The following PSMD1 variants were observed in gnomAD, a reference collection of about 807,000 sequenced individuals.
PSMD1 encodes the protein proteasome 26S subunit, non-ATPase 1, also known as 26S proteasome non-ATPase regulatory subunit 1.
In PSMD1, 18 loss-of-function variants were observed where a neutral mutation model predicts 119.0. That is an observed-to-expected ratio of 0.15 (90% CI 0.10 to 0.22). PSMD1 has a LOEUF of 0.22. Among genes scored for constraint, PSMD1 ranks in the 10% least tolerant of loss-of-function variants. PSMD1 has a pLI of 1.00. For synonymous variants in PSMD1, 374 were observed against 396.6 expected (o/e 0.94, Z 0.68); for missense variants, 702 against 1,158.5 (o/e 0.61, Z 5.72).
chr2:231,135,381 C>G (rs1159837646), intron 16 of PSMD1, among the ~76,000 whole-genome samples: 4 of 152,128 alleles, frequency 2.6e-5, no homozygotes, highest in African/African-American at 4.8e-5. Context: ...AACAGACTTA[C>G]AGAACTTCTA....
At chr2:231,109,269 T>C (rs1559233887) in intron 16 of PSMD1, 2 of 1,614,160 alleles carry the variant, frequency 1.2e-6, no homozygotes, top group Non-Finnish European at 1.7e-6. Flanking sequence ...ACAATCATAA[T>C]TGCAAGAGGT....
At chr2:231,070,480 A>G (rs538615561) in intron 6 of PSMD1, among the ~76,000 whole-genome samples, 14 of 152,282 alleles carry the variant, frequency 9.2e-5, no homozygotes, top group African/African-American at 2.9e-4. Context: ...AAGCTAGAAG[A>G]TTAAAACAGT....
chr2:231,080,065 A>G, intron 11 of PSMD1, 76 bp from the exon 12 acceptor site: 2 of 1,319,086 alleles, frequency 1.5e-6, no homozygotes, highest in Non-Finnish European at 2.1e-6. Flanking sequence ...GGGAAAAGGC[A>G]GTAATCATAG....
chr2:231,142,137 C>T (rs1019256915), intron 17 of PSMD1, among the ~76,000 whole-genome samples: 6 of 152,226 alleles, frequency 3.9e-5, no homozygotes, highest in Non-Finnish European at 2.9e-5. Flanking sequence ...CCCGCCTCAG[C>T]TTCCCAAAGT....
intron 16 of PSMD1, chr2:231,123,370 A>G: frequency 1.5e-6 from 2 of 1,343,522 alleles, no homozygotes; most frequent in Non-Finnish European, 2.1e-6. Context: ...ATAGTATATC[A>G]TAGTTCTGTG....
chr2:231,065,418 G>A (rs368739700), intron 4 of PSMD1, among the ~76,000 whole-genome samples: 2 of 150,618 alleles, frequency 1.3e-5, no homozygotes, highest in Non-Finnish European at 3.0e-5. Context: ...TCAGCCTCCC[G>A]AGTAGCTGGG....
intron 8 of PSMD1, 146 bp downstream of exon 8, chr2:231,075,717 G>A: frequency 1.5e-6 from 1 of 658,586 alleles, no homozygotes; most frequent in Non-Finnish European, 2.5e-6. Context: ...GTAAATGGCT[G>A]GGATTGCAGG....
At chr2:231,111,286 G>C (rs985798054) in intron 16 of PSMD1, among the ~76,000 whole-genome samples, 1 of 152,122 alleles carries the variant, frequency 6.6e-6, no homozygotes, top group African/African-American at 2.4e-5. Context: ...TCCTTGTCCT[G>C]CTACCCCTCA....
intron 16 of PSMD1, chr2:231,109,339 C>G: frequency 6.2e-7 from 1 of 1,614,006 alleles, no homozygotes. Flanking sequence ...CCTTTGTCAG[C>G]ACACAAGTGA....
At chr2:231,147,442 A>G (rs1696278721) in intron 18 of PSMD1, among the ~76,000 whole-genome samples, 1 of 152,208 alleles carries the variant, frequency 6.6e-6, no homozygotes, top group Admixed American at 6.5e-5. Context: ...GGCTGCAGTG[A>G]GCTGTGGTTG....
chr2:231,104,451 T>G (rs1021933245), intron 16 of PSMD1, among the ~76,000 whole-genome samples: 2 of 152,096 alleles, frequency 1.3e-5, no homozygotes, highest in Non-Finnish European at 2.9e-5. Context: ...CTTTAAGAAG[T>G]GGGAACTGGA....
intron 4 of PSMD1, among the ~76,000 whole-genome samples, chr2:231,063,488 A>G (rs2125152578): frequency 6.6e-6 from 1 of 152,328 alleles, no homozygotes; most frequent in East Asian, 1.9e-4. Flanking sequence ...GCTGATTAGT[A>G]GAAGGTCTGT....
In PSMD1 at chr2:231,056,873, GC is replaced by G. The variant is rs1693603020; in HGVS notation, c.-152del. The G allele has an allele frequency of 9.2e-7, 1 of 1,091,160 alleles. No homozygotes were observed. The highest frequency in any genetic ancestry group is 1.3e-6 in the Non-Finnish European group (1 of 757,424). The allele number at this position is 1,091,160 out of a possible 1,614,324, so 67.6% of individuals were successfully genotyped here. On this transcript the variant is annotated 5_prime_UTR_variant, in exon 1 of 25. Transcript: ENST00000308696. ...CAGCCCCTGGGCGGGCGGGGTCCTG[GC>G]GAGAAGCGAGCCGGCGGCCTGAGGA...
Position 231,061,937 on chromosome 2 carries a change from A to G in PSMD1, c.61-311A>G, listed in dbSNP as rs557067824. Among the ~76,000 whole-genome samples the G allele has an allele frequency of 2.0e-5, 3 of 152,266 alleles. No homozygotes were observed. The South Asian group carries it at 6.2e-4, about 32-fold the overall frequency. On this transcript the variant is annotated intron_variant, in intron 2 of 24. Coordinates refer to ENST00000308696, the MANE Select transcript of PSMD1 (RefSeq NM_002807.4). ...GTTGTTGCTTCTGTTTCACATATTT[A>G]AAGTTTTTTATTTGATGAAAATTTG...
At chr2:231,088,307 C>G (rs535510233) in intron 16 of PSMD1, among the ~76,000 whole-genome samples, 1 of 152,284 alleles carries the variant, frequency 6.6e-6, no homozygotes. Context: ...TAGATTCAAT[C>G]TCAGACATCA....
rs1333837397 is a variant in PSMD1 at position 231,165,901 on chromosome 2, A to G, written c.2599A>G (p.Lys867Glu). 6.2e-7 allele frequency: 1 copy of G among 1,613,242 alleles called. No individual in the cohort carries two copies. Among genetic ancestry groups the G allele is most frequent in the East Asian group, 2.2e-5 (1 of 44,868 alleles). The change falls in exon 23 of 25, where the codon AAG (lysine) becomes GAG (glutamate). Residue 867 changes from lysine to glutamate, a missense_variant. Transcript: ENST00000308696. The part of the protein sequence containing the change: ...DEAEKKEEKE[K>E]KKEPEPNFQL... ...GGCAGAGAAAAAGGAGGAAAAAGAGAAGAAAAAAGAACCTGAGCCAAACTT... is the reference window on the plus strand; with the variant it reads ...GGCAGAGAAAAAGGAGGAAAAAGAGGAGAAAAAAGAACCTGAGCCAAACTT...
Position 231,077,060 on chromosome 2 carries a change from G to A in PSMD1, c.969G>A (p.Leu323=), listed in dbSNP as rs1169711193. 6.2e-7 allele frequency: 1 copy of A among 1,604,054 alleles called. No homozygotes were observed. The highest frequency in any genetic ancestry group is 8.5e-7 in the Non-Finnish European group (1 of 1,176,472). The change falls in exon 9 of 25, where the codon TTG becomes TTA. Residue 323 remains leucine (L), a synonymous_variant. Transcript: ENST00000308696. ...GTCCAGAGCCTAAGGACCAGACTTT[G>A]AAAATGATTAAAATTTTAAGTGGTG... ...EASPEPKDQT[L]KMIKILSGEM...
chr2:231,114,067 C>T, intron 16 of PSMD1: 1 of 703,210 alleles, frequency 1.4e-6, no homozygotes, highest in Non-Finnish European at 2.6e-6. Flanking sequence ...TAATGTTTAA[C>T]TTCAGATAAT....
chr2:231,168,051 A>G (rs1432516578), intron 23 of PSMD1, among the ~76,000 whole-genome samples: 1 of 152,200 alleles, frequency 6.6e-6, no homozygotes, highest in African/African-American at 2.4e-5. Flanking sequence ...ATGAACAGCC[A>G]CTGGACACCA....
Sources: allele counts gnomAD v4.1 joint callset (sites outside exome capture counted in the v4.1 genomes callset), GRCh38; gene constraint gnomAD v4.1.1; transcripts MANE v1.5; gene names NCBI Gene and HGNC (gene_info 2026-07-23, HGNC 2026-07-21).